The following NIPSNAP3B variants were observed in gnomAD, a reference collection of about 807,000 sequenced individuals.
NIPSNAP3B encodes the protein nipsnap homolog 3B, also known as protein NipSnap homolog 3B.
Under a neutral mutation model 31.5 loss-of-function variants are expected in NIPSNAP3B, and 30 were observed. That is an observed-to-expected ratio of 0.95 (90% CI 0.71 to 1.29). The LOEUF is 1.29. Among genes scored for constraint, NIPSNAP3B ranks in the 50% most tolerant of loss-of-function variants. NIPSNAP3B has a pLI of 0.00. For synonymous variants in NIPSNAP3B, 106 were observed against 107.9 expected (o/e 0.98, Z 0.11); for missense variants, 269 against 300.7 (o/e 0.89, Z 0.78).
the NIPSNAP3B span, chr9:104,784,028 A>G: frequency 2.2e-5 from 8 of 358,760 alleles, no homozygotes; most frequent in Middle Eastern, 8.3e-4. Context: ...TCAAACCCAT[A>G]TGTCCATTGG....
the NIPSNAP3B span, chr9:104,784,240 C>T: frequency 2.0e-5 from 32 of 1,595,276 alleles, no homozygotes; most frequent in African/African-American, 2.0e-4. Context: ...GCTCTTTTCT[C>T]CACAACACTT....
At chr9:104,782,890 G>C in the NIPSNAP3B span, 1 of 151,402 alleles carries the variant, frequency 6.6e-6, no homozygotes, top group Non-Finnish European at 1.5e-5. Context: ...GTTACAGTGG[G>C]CTCCTACAAC....
chr9:104,790,599 A>C, the NIPSNAP3B span, among the ~76,000 whole-genome samples: 1 of 152,192 alleles, frequency 6.6e-6, no homozygotes. Context: ...CTAAAACTGG[A>C]TTGTGGTGAT....
At chr9:104,771,044 CAGTTCGT>C in intron 4 of NIPSNAP3B, 46 bp downstream of exon 4, 1 of 1,516,820 alleles carries the variant, frequency 6.6e-7, no homozygotes, top group Non-Finnish European at 9.0e-7. Context: ...TGTATTAGAT[CAGTTCGT>C]CTCTCTTTTT....
At chr9:104,779,577 G>C (rs1828413819), downstream of NIPSNAP3B, among the ~76,000 whole-genome samples, 1 of 150,790 alleles carries the variant, frequency 6.6e-6, no homozygotes, top group Admixed American at 6.6e-5. Context: ...ATTAAATGAA[G>C]TGCATGACAA....
Position 104,773,240 on chromosome 9 carries a change from T to C in NIPSNAP3B, c.*167T>C, listed in dbSNP as rs1828264760. ...TTGAAAGTTACATATTCTCCACTGC[T>C]TTAAGAAATAATTCAGTTCACTTTC... On this transcript the variant is annotated 3_prime_UTR_variant, in exon 6 of 6. Coordinates refer to ENST00000374762, the MANE Select transcript of NIPSNAP3B (RefSeq NM_018376.4). The C allele has an allele frequency of 1.6e-6, 1 of 638,996 alleles. No homozygotes were observed. 39.6% of individuals were successfully genotyped at this position (638,996 alleles called of 1,614,324 possible). A position where few individuals can be genotyped will look rare whatever the true frequency, so the allele number is the denominator to read the frequency against.
chr9:104,778,718 C>G (rs747298911), downstream of NIPSNAP3B, among the ~76,000 whole-genome samples: 2 of 152,316 alleles, frequency 1.3e-5, no homozygotes, highest in East Asian at 3.9e-4. Context: ...AAAGTGGATA[C>G]TGAACATTAC....
chr9:104,790,701 G>T, the NIPSNAP3B span, among the ~76,000 whole-genome samples: 1 of 152,080 alleles, frequency 6.6e-6, no homozygotes, highest in Admixed American at 6.5e-5. Flanking sequence ...CCTGAATAAA[G>T]CTGTTAAAAG....
the NIPSNAP3B span, among the ~76,000 whole-genome samples, chr9:104,788,797 C>G: frequency 1.3e-5 from 2 of 152,336 alleles, no homozygotes; most frequent in South Asian, 4.1e-4. Context: ...TCTCTGAACA[C>G]TTCAGTCTGC....
At chr9:104,771,187 CT>C in intron 4 of NIPSNAP3B, 189 bp downstream of exon 4, 1 of 499,862 alleles carries the variant, frequency 2.0e-6, no homozygotes. Flanking sequence ...TTTATGGAGC[CT>C]TTTTCAAATG....
chr9:104,764,502 T>G (rs1199482816), intron 1 of NIPSNAP3B, among the ~76,000 whole-genome samples: 1 of 152,222 alleles, frequency 6.6e-6, no homozygotes, highest in Non-Finnish European at 1.5e-5. Context: ...GCAGTCGCTG[T>G]CAGAGGGGTT....
chr9:104,772,765 A>T, intron 4 of NIPSNAP3B, 57 bp from the exon 5 acceptor site: 1 of 1,543,544 alleles, frequency 6.5e-7, no homozygotes, highest in Non-Finnish European at 8.8e-7. Context: ...CTTTTTCAAT[A>T]TTTCTTATTT....
the NIPSNAP3B span, chr9:104,788,418 C>T: frequency 6.2e-7 from 1 of 1,614,042 alleles, no homozygotes; most frequent in Non-Finnish European, 8.5e-7. Context: ...TTCAGGTGCC[C>T]ACAGTACCTT....
downstream of NIPSNAP3B, among the ~76,000 whole-genome samples, chr9:104,780,017 A>G (rs1828437597): frequency 1.3e-5 from 2 of 152,230 alleles, no homozygotes; most frequent in African/African-American, 4.8e-5. Context: ...ACAGAGCGAG[A>G]TTCTGTTTCT....
intron 3 of NIPSNAP3B, among the ~76,000 whole-genome samples, chr9:104,770,641 A>C (rs985112944): frequency 6.6e-6 from 1 of 152,186 alleles, no homozygotes; most frequent in Non-Finnish European, 1.5e-5. Flanking sequence ...ATTAATTTTA[A>C]CAACTGACCC....
At chr9:104,769,110 AT>A (rs1828152220) in intron 3 of NIPSNAP3B, 89 bp downstream of exon 3, 2 of 923,106 alleles carry the variant, frequency 2.2e-6, no homozygotes, top group Non-Finnish European at 3.1e-6. Flanking sequence ...TAGGAAAAAA[AT>A]ATATAATTCT....
At position 104,777,693 on chromosome 9, in the gene NIPSNAP3B, A is replaced by G. The variant is rs1332511746; in HGVS notation, c.*4620A>G. Among the ~76,000 whole-genome samples the G allele has an allele frequency of 2.0e-5, 3 of 152,248 alleles. No individual in the cohort carries two copies. Among genetic ancestry groups the G allele is most frequent in the African/African-American group, 4.8e-5 (2 of 41,474 alleles). ...AACAGCAGAATCAAAAAGGAAGGGC[A>G]CGATGATGCCCAGGTGCAGCCTATA... is the stretch of plus-strand genomic sequence containing the variant. On this transcript the variant is annotated 3_prime_UTR_variant, in exon 6 of 6. Coordinates refer to ENST00000374762, the MANE Select transcript of NIPSNAP3B (RefSeq NM_018376.4).
At chr9:104,785,337 G>A in the NIPSNAP3B span, 11 of 1,606,736 alleles carry the variant, frequency 6.8e-6, no homozygotes, top group Non-Finnish European at 7.7e-6. Flanking sequence ...ATGGGCGGGA[G>A]TGTCGGGGCA....
At position 104,776,379 on chromosome 9, in the gene NIPSNAP3B, G is replaced by A. The variant is rs59012345; in HGVS notation, c.*3306G>A. Among the ~76,000 whole-genome samples, 18 of 107,836 alleles carry A rather than the reference G, an allele frequency of 1.7e-4. No homozygotes were observed. The highest frequency in any genetic ancestry group is 6.6e-4 in the African/African-American group (18 of 27,408). 70.7% of individuals were successfully genotyped at this position (107,836 alleles called of 152,430 possible). A position where few individuals can be genotyped will look rare whatever the true frequency, so the allele number is the denominator to read the frequency against. ...CTCCCACAGTGGCCCCTATCTGCTAGAGACTGAATGTTTTTGTCCCCCCAA... is the reference window on the plus strand; with the variant it reads ...CTCCCACAGTGGCCCCTATCTGCTAAAGACTGAATGTTTTTGTCCCCCCAA... On this transcript the variant is annotated 3_prime_UTR_variant, in exon 6 of 6. Coordinates refer to ENST00000374762, the MANE Select transcript of NIPSNAP3B (RefSeq NM_018376.4).
Sources: gnomAD v4.1 joint callset for allele counts (sites outside exome capture counted in the v4.1 genomes callset) on GRCh38, gnomAD v4.1.1 for gene constraint, MANE v1.5 for transcripts, NCBI Gene and HGNC (gene_info 2026-07-23, HGNC 2026-07-21) for gene names.